Variants in UTRN observed in about 807,000 individuals in gnomAD.
The protein encoded by UTRN is utrophin, also known as dystrophin-related protein 1.
A neutral mutation model predicts 463.9 loss-of-function variants in UTRN; 283 were observed. The observed-to-expected ratio is 0.61, with a 90% CI of 0.55 to 0.67. UTRN has a LOEUF of 0.67. Ranked by LOEUF, UTRN falls within the 30% of genes least tolerant of loss-of-function variation. The pLI, the probability that UTRN is intolerant of heterozygous loss-of-function variation, is 0.00. For synonymous variants in UTRN, 1,442 were observed against 1,431.5 expected (o/e 1.01, Z -0.17); for missense variants, 3,922 against 4,084.3 (o/e 0.96, Z 1.08).
At chr6:144,303,353 A>G (rs1392316069) in intron 2 of UTRN, among the ~76,000 whole-genome samples, 1 of 152,248 alleles carries the variant, frequency 6.6e-6, no homozygotes, top group African/African-American at 2.4e-5. Flanking sequence ...AACAGTATCT[A>G]TAAAGCCGCA....
chr6:144,500,064 T>C (rs1054474754), intron 34 of UTRN, among the ~76,000 whole-genome samples: 3 of 152,234 alleles, frequency 2.0e-5, no homozygotes, highest in African/African-American at 7.2e-5. Context: ...TGAATAGTGC[T>C]GATGAACATA....
chr6:144,509,104 G>T (rs1180671086), intron 34 of UTRN, among the ~76,000 whole-genome samples: 1 of 152,002 alleles, frequency 6.6e-6, no homozygotes, highest in Non-Finnish European at 1.5e-5. Flanking sequence ...GAATTGCCTT[G>T]AATTCATACA....
chr6:144,362,673 C>A (rs570413482), intron 2 of UTRN, among the ~76,000 whole-genome samples: 1 of 152,274 alleles, frequency 6.6e-6, no homozygotes, highest in Non-Finnish European at 1.5e-5. Context: ...TTTGCCAAGA[C>A]ATGGAAAAAG....
intron 53 of UTRN, among the ~76,000 whole-genome samples, chr6:144,701,159 G>A (rs181120181): frequency 2.0e-4 from 31 of 151,858 alleles, no homozygotes; most frequent in Middle Eastern, 6.8e-3. Context: ...TGTCTTCCTC[G>A]GCCTCCCAAA....
rs1346938927 is a variant in UTRN at position 144,694,964 on chromosome 6, G to T, written c.7653-5123G>T. ...TTTTTAGTCCCCAAATTCTCTCTCT[G>T]CAGGTGGCCTTTTTTTTTTTTTTGA... On this transcript the variant is annotated intron_variant, in intron 52 of 74. Coordinates refer to ENST00000367545, the MANE Select transcript of UTRN (RefSeq NM_007124.3). Among the ~76,000 whole-genome samples the T allele has an allele frequency of 2.0e-4, 27 of 134,958 alleles. No individual in the cohort carries two copies. The Admixed American group carries it at 2.2e-3, about 11-fold the overall frequency. The allele number at this position is 134,958 out of a possible 152,430, so 88.5% of individuals were successfully genotyped here. A position where few individuals can be genotyped will look rare whatever the true frequency, so the allele number is the denominator to read the frequency against.
At chr6:144,662,183 A>G (rs1017257876) in intron 51 of UTRN, among the ~76,000 whole-genome samples, 1 of 152,186 alleles carries the variant, frequency 6.6e-6, no homozygotes, top group African/African-American at 2.4e-5. Context: ...GTTGTCGTAC[A>G]TGAATGTATT....
chr6:144,806,280 C>T (rs1444467593), intron 65 of UTRN, among the ~76,000 whole-genome samples: 1 of 152,138 alleles, frequency 6.6e-6, no homozygotes, highest in Non-Finnish European at 1.5e-5. Flanking sequence ...TTACCCAAAA[C>T]TGTTCTTGTT....
At chr6:144,787,545 A>G (rs1438076427) in intron 61 of UTRN, among the ~76,000 whole-genome samples, 1 of 152,196 alleles carries the variant, frequency 6.6e-6, no homozygotes, top group Non-Finnish European at 1.5e-5. Flanking sequence ...CATTGCACCA[A>G]TCCCTAAGCA....
intron 2 of UTRN, among the ~76,000 whole-genome samples, chr6:144,329,132 G>C (rs1394566214): frequency 6.7e-6 from 1 of 149,008 alleles, no homozygotes; most frequent in Non-Finnish European, 1.5e-5. Flanking sequence ...ACCCAGGCTG[G>C]AGTGTAGGGG....
rs547328186 is a variant in UTRN at position 144,619,585 on chromosome 6, C to A, written c.7479+42297C>A. Reference sequence around the variant, plus strand: ...CTCAATGGTGAATACATTTTTTATTCTATGTGATTTATTTCTGGAGATGTA... The same window carrying A: ...CTCAATGGTGAATACATTTTTTATTATATGTGATTTATTTCTGGAGATGTA... On this transcript the variant is annotated intron_variant, in intron 51 of 74. Transcript: ENST00000367545. Among the ~76,000 whole-genome samples the A allele has an allele frequency of 3.9e-5, 6 of 152,214 alleles. No individual in the cohort carries two copies. In the South Asian group the frequency reaches 1.0e-3, roughly 26 times the overall value.
intron 58 of UTRN, among the ~76,000 whole-genome samples, chr6:144,764,043 T>G (rs1221137721): frequency 6.6e-6 from 1 of 152,162 alleles, no homozygotes; most frequent in Non-Finnish European, 1.5e-5. Flanking sequence ...ATAAGCAAAA[T>G]GTACTGGAGA....
chr6:144,379,078 A>G (rs969956889), intron 2 of UTRN, among the ~76,000 whole-genome samples: 4 of 152,210 alleles, frequency 2.6e-5, no homozygotes, highest in Non-Finnish European at 2.9e-5. Flanking sequence ...TGATGGGTTA[A>G]GGTTGAAATG....
At chr6:144,302,949 A>G (rs1805417046) in intron 2 of UTRN, among the ~76,000 whole-genome samples, 1 of 152,188 alleles carries the variant, frequency 6.6e-6, no homozygotes, top group Non-Finnish European at 1.5e-5. Context: ...AGCTGGGGTC[A>G]GATTTCGAAA....
intron 3 of UTRN, among the ~76,000 whole-genome samples, chr6:144,410,215 C>A (rs1298934234): frequency 6.6e-6 from 1 of 152,038 alleles, no homozygotes; most frequent in African/African-American, 2.4e-5. Context: ...TTTTATTTAC[C>A]TTTACACTAT....
intron 53 of UTRN, among the ~76,000 whole-genome samples, chr6:144,717,825 G>A (rs761635293): frequency 5.9e-5 from 9 of 151,344 alleles, no homozygotes; most frequent in Non-Finnish European, 8.8e-5. Context: ...TAGTAGAGAC[G>A]GGGATTTCAC....
At chr6:144,782,539 G>A (rs971461705) in intron 61 of UTRN, among the ~76,000 whole-genome samples, 6 of 151,662 alleles carry the variant, frequency 4.0e-5, no homozygotes, top group African/African-American at 1.5e-4. Flanking sequence ...TACAATCTTT[G>A]TAATCCAACT....
chr6:144,775,987 T>C (rs971590279), intron 60 of UTRN, among the ~76,000 whole-genome samples: 3 of 152,164 alleles, frequency 2.0e-5, no homozygotes, highest in Non-Finnish European at 4.4e-5. Context: ...AGAAAAGGGC[T>C]AGATTGTATT....
chr6:144,577,033 A>T, intron 50 of UTRN, 66 bp from the exon 51 acceptor site: 1 of 1,498,456 alleles, frequency 6.7e-7, no homozygotes, highest in South Asian at 1.2e-5. Context: ...TATTTAGGGG[A>T]TGCGTGATGT....
intron 69 of UTRN, among the ~76,000 whole-genome samples, chr6:144,829,869 T>C (rs1243895460): frequency 6.6e-6 from 1 of 152,138 alleles, no homozygotes; most frequent in Non-Finnish European, 1.5e-5. Context: ...AAAGATTGCA[T>C]CTTAATACTT....
Sources: gnomAD v4.1 joint callset for allele counts (sites outside exome capture counted in the v4.1 genomes callset) on GRCh38, gnomAD v4.1.1 for gene constraint, MANE v1.5 for transcripts, NCBI Gene and HGNC (gene_info 2026-07-23, HGNC 2026-07-21) for gene names.